Variants in TNKS observed in about 807,000 individuals in gnomAD.
The protein encoded by TNKS is poly [ADP-ribose] polymerase tankyrase-1.
TNKS carries 72 observed loss-of-function variants against 135.8 expected under a neutral mutation model. That is an observed-to-expected ratio of 0.53 (90% CI 0.44 to 0.64). The LOEUF is 0.64. TNKS is among the 30% of genes least tolerant of loss of function. The pLI, the probability that TNKS is intolerant of heterozygous loss-of-function variation, is 0.00. For missense variants in TNKS, 1,769 were observed against 1,674.0 expected, an observed-to-expected ratio of 1.06 and a Z score of -0.99; for synonymous variants, 849 against 649.3, an observed-to-expected ratio of 1.31 and a Z score of -4.68.
chr8:9,772,811 GTGTGTGTGTGTGTGTGTGTC>G lies in TNKS; in HGVS notation c.3897+2569_3897+2588del, dbSNP rs1370344766. ...GGGGAGAATGTGTGTGTGTGTGTTT[GTGTGTGTGTGTGTGTGTGTC>G]TGTGTGTGTGTGTGTGTGTGTGTGT... On this transcript the variant is annotated intron_variant, in intron 26 of 26. Coordinates refer to ENST00000310430, the MANE Select transcript of TNKS (RefSeq NM_003747.3). Among the ~76,000 whole-genome samples the G allele has an allele frequency of 6.7e-3, 461 of 68,386 alleles. 3 individuals are homozygous for G. Among genetic ancestry groups the G allele is most frequent in the African/African-American group, 0.026 (389 of 14,686 alleles). The allele number at this position is 68,386 out of a possible 152,430, so 44.9% of individuals were successfully genotyped here.
At chr8:9,683,364 A>G (rs937113777) in intron 5 of TNKS, among the ~76,000 whole-genome samples, 5 of 152,066 alleles carry the variant, frequency 3.3e-5, no homozygotes, top group South Asian at 2.1e-4. Flanking sequence ...ATTTAGAATT[A>G]GAAAGTCAGA....
rs1436903917 is a variant in TNKS at position 9,555,978 on chromosome 8, T to C, written c.39T>C (p.His13=). 1 of 1,613,304 alleles carries C rather than the reference T, an allele frequency of 6.2e-7. No individual in the cohort carries two copies. Residue 13 remains histidine, a synonymous_variant, in exon 1 of 27, where the codon CAT becomes CAC. Coordinates refer to ENST00000310430, the MANE Select transcript of TNKS (RefSeq NM_003747.3). ...GTCGCTCTCAGCATCATCACCACCA[T>C]CATCAACAACAGCTCCAGCCCGCCC... is the stretch of plus-strand genomic sequence containing the variant. The part of the protein sequence containing the change: ...ASRRSQHHHH[H]HQQQLQPAPG...
chr8:9,568,295 C>T (rs1417093847), intron 1 of TNKS, among the ~76,000 whole-genome samples: 2 of 152,070 alleles, frequency 1.3e-5, no homozygotes, highest in Non-Finnish European at 2.9e-5. Flanking sequence ...TTGAGTAGTT[C>T]AGTAACAGCT....
intron 11 of TNKS, among the ~76,000 whole-genome samples, chr8:9,710,813 A>G (rs1804292000): frequency 6.6e-6 from 1 of 152,088 alleles, no homozygotes; most frequent in Non-Finnish European, 1.5e-5. Flanking sequence ...GGAGAATGGC[A>G]TGAACCTGGG....
At chr8:9,755,713 T>G (rs989027893) in intron 20 of TNKS, among the ~76,000 whole-genome samples, 3 of 152,352 alleles carry the variant, frequency 2.0e-5, no homozygotes, top group Admixed American at 6.5e-5. Context: ...CTGTTTGGCT[T>G]AAGCCAGGGG....
intron 12 of TNKS, among the ~76,000 whole-genome samples, chr8:9,721,298 T>TAATATATATATATATATATA (rs1554477764): frequency 6.8e-5 from 8 of 118,154 alleles, no homozygotes; most frequent in Non-Finnish European, 8.9e-5. Context: ...AATAAATAAA[T>TAATATATATATATATATATA]TATATATATA....
At chr8:9,582,497 C>G (rs866022509) in intron 2 of TNKS, among the ~76,000 whole-genome samples, 1 of 152,190 alleles carries the variant, frequency 6.6e-6, no homozygotes, top group Non-Finnish European at 1.5e-5. Flanking sequence ...TTTTGAAAAG[C>G]TAGAGCCCAG....
At chr8:9,610,306 T>A (rs1259888412) in intron 2 of TNKS, among the ~76,000 whole-genome samples, 2 of 142,636 alleles carry the variant, frequency 1.4e-5, no homozygotes, top group African/African-American at 5.3e-5. Flanking sequence ...ATAATATATA[T>A]ATACTGTATT....
At chr8:9,671,704 A>G (rs1377324609) in intron 3 of TNKS, among the ~76,000 whole-genome samples, 1 of 152,190 alleles carries the variant, frequency 6.6e-6, no homozygotes, top group South Asian at 2.1e-4. Context: ...AAGTTTTTCA[A>G]AACCCACAGA....
Position 9,670,102 on chromosome 8 carries a change from A to T in TNKS, c.995-9849A>T, listed in dbSNP as rs199723265. The T allele has an allele frequency of 7.9e-5, 12 of 152,272 alleles. No individual in the cohort carries two copies. The East Asian group carries it at 2.3e-3, about 29-fold the overall frequency. The allele number at this position is 152,272 out of a possible 1,614,324, so 9.4% of individuals were successfully genotyped here. The stretch of plus-strand genomic sequence containing the variant: ...ATTGCTTTTGGTTTTAACTTGCTTC[A>T]TTTTACCTTGATCTCCTTTCCACAT... On this transcript the variant is annotated intron_variant, in intron 3 of 26. Coordinates refer to ENST00000310430, the MANE Select transcript of TNKS (RefSeq NM_003747.3).
rs983948835 is a variant in TNKS, at chr8:9,587,388, G to T, written c.898+7005G>T. Among the ~76,000 whole-genome samples, 4 of 151,052 alleles carry T rather than the reference G, an allele frequency of 2.6e-5. 1 individual carries two copies. In the Middle Eastern group the frequency reaches 0.01, roughly 393 times the overall value. The stretch of plus-strand genomic sequence containing the variant: ...CACCAGTAAGGAATTCAGCCTTGCC[G>T]ACACCTTGATTTTTTTTTTTTTTTT... On this transcript the variant is annotated intron_variant, in intron 2 of 26. Coordinates refer to ENST00000310430, the MANE Select transcript of TNKS (RefSeq NM_003747.3).
At position 9,761,647 on chromosome 8, in the gene TNKS, C is replaced by G. The variant is rs1414388457; in HGVS notation, c.3274+11C>G. ...TAGGTGGACAACAAGGTAAGCTATTCAGAAAAAAAAAAAAATTTCAGAAAT... is the reference window on the plus strand; with the variant it reads ...TAGGTGGACAACAAGGTAAGCTATTGAGAAAAAAAAAAAAATTTCAGAAAT... On this transcript the variant is annotated intron_variant, in intron 21 of 26. Coordinates refer to ENST00000310430, the MANE Select transcript of TNKS (RefSeq NM_003747.3). 1 of 1,563,634 alleles carries G rather than the reference C, an allele frequency of 6.4e-7. No individual in the cohort carries two copies. The highest frequency in any genetic ancestry group is 2.3e-5 in the East Asian group (1 of 43,212).
chr8:9,577,417 G>A (rs531930066), intron 1 of TNKS, among the ~76,000 whole-genome samples: 2 of 152,254 alleles, frequency 1.3e-5, no homozygotes, highest in Admixed American at 1.3e-4. Flanking sequence ...AAAGAAAAGA[G>A]ATTTAACTGA....
rs1421971397 is a variant in TNKS at position 9,765,774 on chromosome 8, A to C, written c.3530A>C (p.His1177Pro). The change falls in exon 24 of 27, where the codon CAC (histidine) becomes CCC (proline). Residue 1177 changes from histidine to proline, a missense_variant. His to Pro is a moderately conservative substitution (Grantham distance 77). Transcript: ENST00000310430. ...GTGTCTGAGGAGAATCACAACCATC[A>C]CAATGAGCGCATGTTGTTTCATGGT... ...KEVSEENHNH[H>P]NERMLFHGSP... 1.2e-6 allele frequency: 2 copies of C among 1,613,880 alleles called. No individual in the cohort carries two copies. Among genetic ancestry groups the C allele is most frequent in the Admixed American group, 3.3e-5 (2 of 59,986 alleles).
At position 9,776,914 on chromosome 8, in the gene TNKS, CT is replaced by C; in HGVS notation, c.*179del. On this transcript the variant is annotated 3_prime_UTR_variant, in exon 27 of 27. Transcript: ENST00000310430. ...GTATGAGTAACTGATACATACTCAA[CT>C]GCTACTGTTCCCTTTGAGGAAATGT... The C allele has an allele frequency of 1.7e-6, 1 of 580,908 alleles. No individual in the cohort carries two copies. The highest frequency in any genetic ancestry group is 2.4e-5 in the South Asian group (1 of 42,074). The allele number at this position is 580,908 out of a possible 1,614,324, so 36.0% of individuals were successfully genotyped here. A position where few individuals can be genotyped will look rare whatever the true frequency, so the allele number is the denominator to read the frequency against.
chr8:9,690,469 TA>T (rs1331137953), intron 5 of TNKS, among the ~76,000 whole-genome samples: 3 of 152,128 alleles, frequency 2.0e-5, no homozygotes, highest in Non-Finnish European at 4.4e-5. Context: ...ACTTTAAAAA[TA>T]AATTTTTGGC....
chr8:9,704,733 C>T lies in TNKS; in HGVS notation c.1178C>T (p.Ala393Val). 1 of 1,613,304 alleles carries T rather than the reference C, an allele frequency of 6.2e-7. No homozygotes were observed. Among genetic ancestry groups the T allele is most frequent in the Non-Finnish European group, 8.5e-7 (1 of 1,179,418 alleles). Residue 393 changes from alanine (A) to valine (V), a missense_variant, in exon 6 of 27, where the codon GCT becomes GTT. By Grantham distance (64) the Ala-to-Val change is moderately conservative (BLOSUM62 0). This residue lies in a region of TNKS where 523 missense variants were observed against 541.0 expected (regional missense o/e 0.97). Coordinates refer to ENST00000310430, the MANE Select transcript of TNKS (RefSeq NM_003747.3). The stretch of plus-strand genomic sequence containing the variant: ...GTTCAGCTTCTTCTTCAGCATGGTG[C>T]TGATGTTCATGCAAAAGACAAAGGG... Reference protein sequence around the residue: ...RIVQLLLQHGADVHAKDKGGL... With the variant: ...RIVQLLLQHGVDVHAKDKGGL...
At chr8:9,633,296 G>C (rs1213822738) in intron 3 of TNKS, among the ~76,000 whole-genome samples, 1 of 152,136 alleles carries the variant, frequency 6.6e-6, no homozygotes, top group African/African-American at 2.4e-5. Flanking sequence ...GTTTGTAATT[G>C]CAAAATATTG....
Position 9,590,109 on chromosome 8 carries a change from A to G in TNKS, c.898+9726A>G, listed in dbSNP as rs116807618. On this transcript the variant is annotated intron_variant, in intron 2 of 26. Coordinates refer to ENST00000310430, the MANE Select transcript of TNKS (RefSeq NM_003747.3). ...AAGCTGCCCATGATTAGATCACAGT[A>G]TGTGCGTGTTTAAAAATGCTCCACA... Among the ~76,000 whole-genome samples the G allele has an allele frequency of 5.6e-3, 853 of 152,314 alleles. 4 individuals carry two copies. Among genetic ancestry groups the G allele is most frequent in the African/African-American group, 0.018 (744 of 41,564 alleles).
Sources: allele counts gnomAD v4.1 joint callset (sites outside exome capture counted in the v4.1 genomes callset), GRCh38; gene constraint gnomAD v4.1.1; regional missense constraint gnomAD v4.1.1; transcripts MANE v1.5; gene names NCBI Gene and HGNC (gene_info 2026-07-23, HGNC 2026-07-21).